CPNE8: variants seen among roughly 807,000 people sequenced by gnomAD.
CPNE8 encodes the protein copine 8, also known as copine-8.
In CPNE8, 45 loss-of-function variants were observed where a neutral mutation model predicts 81.5. The observed-to-expected ratio is 0.55, with a 90% CI of 0.44 to 0.71. The LOEUF (loss-of-function observed/expected upper bound fraction) is 0.71, where lower values mean the gene tolerates loss of function less well. Among genes scored for constraint, CPNE8 ranks in the 30% least tolerant of loss-of-function variants. The probability of loss-of-function intolerance (pLI) is 0.00; values close to 1 mark genes in which losing one functional copy is unlikely to be tolerated. For synonymous variants in CPNE8, 252 were observed against 226.3 expected (o/e 1.11, Z -1.02); for missense variants, 594 against 672.1 (o/e 0.88, Z 1.28).
chr12:38,734,935 C>G (rs1457847266), intron 10 of CPNE8, among the ~76,000 whole-genome samples: 3 of 152,032 alleles, frequency 2.0e-5, no homozygotes, highest in African/African-American at 7.2e-5. Context: ...TGCAGGTATG[C>G]TTAATTCACA....
intron 3 of CPNE8, among the ~76,000 whole-genome samples, chr12:38,867,339 TGAG>T (rs1943930939): frequency 8.2e-6 from 1 of 122,000 alleles, no homozygotes; most frequent in Non-Finnish European, 1.7e-5. Context: ...TGTGTGTGTG[TGAG>T]AGAGAGAGAG....
At chr12:38,826,779 C>G (rs1943201193) in intron 6 of CPNE8, among the ~76,000 whole-genome samples, 1 of 151,756 alleles carries the variant, frequency 6.6e-6, no homozygotes, top group African/African-American at 2.4e-5. Context: ...TTTTTTATAA[C>G]TTAATAATTT....
intron 1 of CPNE8, among the ~76,000 whole-genome samples, chr12:38,894,624 C>T (rs1944359473): frequency 6.7e-6 from 1 of 148,266 alleles, no homozygotes; most frequent in South Asian, 2.2e-4. Context: ...CCCACGTATC[C>T]CTTAGTCTCA....
chr12:38,799,198 C>G (rs150191372), intron 6 of CPNE8, among the ~76,000 whole-genome samples: 2,338 of 152,126 alleles, frequency 0.015, 59 homozygotes, highest in African/African-American at 0.053. Context: ...ACCAAGGGGA[C>G]CTAATAGACA....
chr12:38,799,028 G>A (rs1158512020), intron 6 of CPNE8, among the ~76,000 whole-genome samples: 2 of 152,098 alleles, frequency 1.3e-5, no homozygotes, highest in Admixed American at 6.5e-5. Context: ...ACCCAATACA[G>A]GAGCACCCAG....
At chr12:38,854,150 G>A (rs771205688) in intron 3 of CPNE8, among the ~76,000 whole-genome samples, 9 of 151,744 alleles carry the variant, frequency 5.9e-5, no homozygotes, top group African/African-American at 9.7e-5. Context: ...ATCTAAAACC[G>A]CAATTTAGGA....
intron 1 of CPNE8, among the ~76,000 whole-genome samples, chr12:38,899,301 T>G (rs535332300): frequency 1.3e-5 from 2 of 152,108 alleles, no homozygotes; most frequent in Non-Finnish European, 2.9e-5. Flanking sequence ...AATACTGTCC[T>G]GATAAAAGGA....
At chr12:38,760,793 T>A in intron 10 of CPNE8, 54 bp downstream of exon 10, 1 of 1,346,250 alleles carries the variant, frequency 7.4e-7, no homozygotes, top group South Asian at 1.2e-5. Flanking sequence ...TTTCAATGTA[T>A]GTGCCTCTTA....
At chr12:38,690,148 T>C (rs1939641238) in intron 15 of CPNE8, among the ~76,000 whole-genome samples, 1 of 152,208 alleles carries the variant, frequency 6.6e-6, no homozygotes, top group African/African-American at 2.4e-5. Flanking sequence ...AATAGGTTAA[T>C]GTTAGAGAAC....
At chr12:38,731,384 T>C (rs990705596) in intron 10 of CPNE8, among the ~76,000 whole-genome samples, 2 of 151,912 alleles carry the variant, frequency 1.3e-5, no homozygotes, top group Admixed American at 1.3e-4. Flanking sequence ...ACAAGCAACA[T>C]ACAAGTGGTG....
At chr12:38,733,332 A>G (rs1425485513) in intron 10 of CPNE8, among the ~76,000 whole-genome samples, 2 of 151,912 alleles carry the variant, frequency 1.3e-5, no homozygotes, top group East Asian at 3.9e-4. Flanking sequence ...ACTGATTTTT[A>G]TTATATTTTA....
At chr12:38,744,060 T>C (rs1168233045) in intron 10 of CPNE8, among the ~76,000 whole-genome samples, 3 of 152,258 alleles carry the variant, frequency 2.0e-5, no homozygotes, top group Admixed American at 2.0e-4. Flanking sequence ...ATAAGCAGCA[T>C]CGAGTGTGAA....
intron 3 of CPNE8, among the ~76,000 whole-genome samples, chr12:38,851,463 T>C (rs1179582605): frequency 6.6e-6 from 1 of 152,226 alleles, no homozygotes; most frequent in Non-Finnish European, 1.5e-5. Flanking sequence ...TAAATGAAAG[T>C]CATCAATCTC....
At chr12:38,691,861 G>A (rs1032798920) in intron 15 of CPNE8, among the ~76,000 whole-genome samples, 1 of 152,196 alleles carries the variant, frequency 6.6e-6, no homozygotes, top group Admixed American at 6.5e-5. Flanking sequence ...TTTCATTCAT[G>A]AGGGTGGAGC....
At chr12:38,721,837 G>A (rs557922241) in intron 13 of CPNE8, among the ~76,000 whole-genome samples, 9 of 152,310 alleles carry the variant, frequency 5.9e-5, no homozygotes, top group South Asian at 2.1e-4. Flanking sequence ...CTTGTGGTGC[G>A]TCTGGTCCAG....
intron 7 of CPNE8, among the ~76,000 whole-genome samples, chr12:38,773,957 AT>A (rs1319900667): frequency 6.6e-6 from 1 of 152,156 alleles, no homozygotes; most frequent in Non-Finnish European, 1.5e-5. Context: ...AACAATATTG[AT>A]AAAAATATTA....
At chr12:38,791,911 T>C (rs1242418172) in intron 6 of CPNE8, among the ~76,000 whole-genome samples, 2 of 151,312 alleles carry the variant, frequency 1.3e-5, no homozygotes, top group Non-Finnish European at 3.0e-5. Flanking sequence ...GGAATGAAAT[T>C]TAAAATCAAC....
chr12:38,736,245 T>C (rs1940950699), intron 10 of CPNE8, among the ~76,000 whole-genome samples: 1 of 151,124 alleles, frequency 6.6e-6, no homozygotes, highest in South Asian at 2.1e-4. Flanking sequence ...TGTGTGTGTA[T>C]TACACTTCTA....
In CPNE8 at chr12:38,723,769, T is replaced by A; in HGVS notation, c.914+3A>T. On this transcript the variant is annotated splice_donor_region_variant and intron_variant, in intron 13 of 19. Transcript: ENST00000331366. ...AACGAAACAATTTGAGAGAATTACT[T>A]ACCCTCCCTTAATGTAGTCAAGGAA... 6.4e-7 allele frequency: 1 copy of A among 1,560,872 alleles called. No individual in the cohort carries two copies. Among genetic ancestry groups the A allele is most frequent in the Non-Finnish European group, 8.8e-7 (1 of 1,135,486 alleles).
Sources: allele counts gnomAD v4.1 joint callset (sites outside exome capture counted in the v4.1 genomes callset), GRCh38; gene constraint gnomAD v4.1.1; transcripts MANE v1.5; gene names NCBI Gene and HGNC (gene_info 2026-07-23, HGNC 2026-07-21).